Variants in GLIS3 observed in about 807,000 individuals in gnomAD.
GLIS3 encodes zinc finger protein GLIS3.
A neutral mutation model predicts 78.6 loss-of-function variants in GLIS3; 53 were observed. The observed-to-expected ratio is 0.67, with a 90% CI of 0.54 to 0.85. GLIS3 has a LOEUF of 0.85. GLIS3 is among the 40% of genes least tolerant of loss of function. The probability of loss-of-function intolerance (pLI) is 0.00; values close to 1 mark genes in which losing one functional copy is unlikely to be tolerated. For synonymous variants in GLIS3, 684 were observed against 509.9 expected (o/e 1.34, Z -4.60); for missense variants, 1,703 against 1,231.1 (o/e 1.38, Z -5.74).
chr9:4,469,148 G>C, the GLIS3 span, among the ~76,000 whole-genome samples: 1 of 152,138 alleles, frequency 6.6e-6, no homozygotes, highest in East Asian at 1.9e-4. Context: ...AGTCCTTAGA[G>C]ACCTAGAAAG....
At chr9:4,169,547 G>A (rs929689180) in intron 2 of GLIS3, among the ~76,000 whole-genome samples, 1 of 152,140 alleles carries the variant, frequency 6.6e-6, no homozygotes, top group Non-Finnish European at 1.5e-5. Context: ...CGGGAAAATT[G>A]GTGAACTCTC....
chr9:4,191,555 G>T (rs1233766190), intron 2 of GLIS3, among the ~76,000 whole-genome samples: 1 of 152,324 alleles, frequency 6.6e-6, no homozygotes, highest in East Asian at 1.9e-4. Context: ...TGTGGTTTCT[G>T]AATACCATGT....
At chr9:3,892,258 G>T (rs1029878398) in intron 7 of GLIS3, among the ~76,000 whole-genome samples, 4 of 151,992 alleles carry the variant, frequency 2.6e-5, no homozygotes, top group African/African-American at 9.7e-5. Context: ...CAAAAAAAAA[G>T]CAGCCTGGAA....
At chr9:3,830,174 C>T (rs913069346) in intron 9 of GLIS3, among the ~76,000 whole-genome samples, 1 of 151,790 alleles carries the variant, frequency 6.6e-6, no homozygotes, top group Non-Finnish European at 1.5e-5. Context: ...TAATCATCAA[C>T]CTTTTGATAA....
the GLIS3 span, among the ~76,000 whole-genome samples, chr9:4,377,077 C>T: frequency 3.0e-5 from 4 of 134,674 alleles, no homozygotes; most frequent in Admixed American, 7.4e-5. Context: ...GGGTTTGTGA[C>T]GGTTAATATT....
chr9:3,942,511 C>T (rs1210613688), intron 4 of GLIS3, among the ~76,000 whole-genome samples: 1 of 152,180 alleles, frequency 6.6e-6, no homozygotes, highest in East Asian at 1.9e-4. Flanking sequence ...CCACTTGAAT[C>T]AAGCACGTAC....
chr9:4,334,179 C>T (rs1230162249), intron 2 of GLIS3, among the ~76,000 whole-genome samples: 4 of 152,184 alleles, frequency 2.6e-5, no homozygotes, highest in Non-Finnish European at 5.9e-5. Flanking sequence ...GATTCTACTA[C>T]AGGTAAAGAA....
At chr9:3,905,465 A>G (rs764290645) in intron 6 of GLIS3, among the ~76,000 whole-genome samples, 1 of 152,130 alleles carries the variant, frequency 6.6e-6, no homozygotes, top group African/African-American at 2.4e-5. Context: ...GATTGAAGCA[A>G]TAAAACAGAA....
At chr9:4,462,489 G>C in the GLIS3 span, among the ~76,000 whole-genome samples, 1 of 152,052 alleles carries the variant, frequency 6.6e-6, no homozygotes, top group Non-Finnish European at 1.5e-5. Context: ...AGCAGTAGTA[G>C]CTCATGCCTG....
At chr9:4,391,675 A>C in the GLIS3 span, among the ~76,000 whole-genome samples, 22 of 152,192 alleles carry the variant, frequency 1.4e-4, no homozygotes, top group African/African-American at 5.3e-4. Context: ...AATCTCGATT[A>C]AGAGCAGGAA....
chr9:4,230,625 C>G (rs947773923), intron 2 of GLIS3, among the ~76,000 whole-genome samples: 2 of 152,128 alleles, frequency 1.3e-5, no homozygotes, highest in Admixed American at 6.5e-5. Flanking sequence ...CTGCCCAAGT[C>G]ATCACAGAGC....
At chr9:4,407,909 C>G in the GLIS3 span, among the ~76,000 whole-genome samples, 7 of 151,840 alleles carry the variant, frequency 4.6e-5, no homozygotes, top group Admixed American at 2.0e-4. Flanking sequence ...GCTCAAACAA[C>G]TCTAAGAGGA....
chr9:4,271,707 C>A (rs540910238), intron 2 of GLIS3, among the ~76,000 whole-genome samples: 1 of 152,202 alleles, frequency 6.6e-6, no homozygotes. Flanking sequence ...TACCTGCAAC[C>A]AAAAGTCTTG....
chr9:4,198,379 A>G (rs1819058850), intron 2 of GLIS3, among the ~76,000 whole-genome samples: 1 of 152,248 alleles, frequency 6.6e-6, no homozygotes, highest in South Asian at 2.1e-4. Context: ...TAACTCTAGA[A>G]GTAGAAAACT....
At chr9:4,432,831 C>T in the GLIS3 span, among the ~76,000 whole-genome samples, 680 of 151,764 alleles carry the variant, frequency 4.5e-3, 4 homozygotes, top group Middle Eastern at 0.02. Flanking sequence ...AGTAGAGATG[C>T]AGTTTCATCA....
chr9:4,010,725 C>G (rs1821935609), intron 4 of GLIS3, among the ~76,000 whole-genome samples: 1 of 152,186 alleles, frequency 6.6e-6, no homozygotes, highest in Non-Finnish European at 1.5e-5. Context: ...ACAGTTTTCC[C>G]TGTCCCATGC....
the GLIS3 span, among the ~76,000 whole-genome samples, chr9:4,416,046 C>T: frequency 4.7e-5 from 7 of 149,658 alleles, no homozygotes; most frequent in Non-Finnish European, 5.9e-5. Context: ...TTATATAAGC[C>T]GACCTCACTT....
intron 2 of GLIS3, among the ~76,000 whole-genome samples, chr9:4,259,647 C>T (rs555480475): frequency 6.6e-6 from 1 of 152,222 alleles, no homozygotes; most frequent in African/African-American, 2.4e-5. Flanking sequence ...TGGTGTTATG[C>T]AAGAGTAACC....
intron 2 of GLIS3, among the ~76,000 whole-genome samples, chr9:4,139,759 C>G (rs548305612): frequency 1.3e-5 from 2 of 152,306 alleles, no homozygotes; most frequent in African/African-American, 4.8e-5. Flanking sequence ...AGCACGCAAC[C>G]TAGATCCCTC....
Sources: gnomAD v4.1 joint callset for allele counts (sites outside exome capture counted in the v4.1 genomes callset) on GRCh38, gnomAD v4.1.1 for gene constraint, MANE v1.5 for transcripts, NCBI Gene and HGNC (gene_info 2026-07-23, HGNC 2026-07-21) for gene names.